Variants in PIEZO2 observed in about 807,000 individuals in gnomAD.
The protein encoded by PIEZO2 is piezo type mechanosensitive ion channel component 2.
In PIEZO2, 172 loss-of-function variants were observed where a neutral mutation model predicts 337.3. The observed-to-expected ratio is 0.51, with a 90% CI of 0.45 to 0.58. The LOEUF is 0.58. PIEZO2 is among the 20% of genes least tolerant of loss of function. The pLI is 0.00. For missense variants in PIEZO2, 3,028 were observed against 3,391.3 expected, an observed-to-expected ratio of 0.89 and a Z score of 2.66; for synonymous variants, 1,251 against 1,228.5, an observed-to-expected ratio of 1.02 and a Z score of -0.38.
At chr18:10,886,960 A>T (rs953005510) in intron 4 of PIEZO2, among the ~76,000 whole-genome samples, 4 of 151,994 alleles carry the variant, frequency 2.6e-5, no homozygotes, top group Non-Finnish European at 5.9e-5. Context: ...AGTCCTCAGA[A>T]AGTTTTCAAT....
Position 10,922,273 on chromosome 18 carries a change from C to T in PIEZO2, c.287-11045G>A, listed in dbSNP as rs1281397830. On this transcript the variant is annotated intron_variant, in intron 3 of 55. Coordinates refer to ENST00000674853, the MANE Select transcript of PIEZO2 (RefSeq NM_001378183.1). ...AAAATTTCTCTCTTTTGTACTCTGTCCCTTTATTTCTCAAACCAGCCAATG... is the reference window on the plus strand; with the variant it reads ...AAAATTTCTCTCTTTTGTACTCTGTTCCTTTATTTCTCAAACCAGCCAATG... 2.0e-5 allele frequency among the ~76,000 whole-genome samples: 3 copies of T among 152,096 alleles called. No homozygotes were observed. In the East Asian group the frequency reaches 5.8e-4, roughly 29 times the overall value.
intron 31 of PIEZO2, among the ~76,000 whole-genome samples, chr18:10,743,315 C>T (rs182104272): frequency 2.6e-5 from 4 of 152,136 alleles, no homozygotes; most frequent in Admixed American, 2.6e-4. Flanking sequence ...ACTTACAGAA[C>T]TTTCCCAGGG....
chr18:10,735,549 T>A (rs983216665), intron 34 of PIEZO2, among the ~76,000 whole-genome samples: 1 of 152,182 alleles, frequency 6.6e-6, no homozygotes, highest in Admixed American at 6.5e-5. Context: ...AAGATGTTCA[T>A]GTTCTCTCCT....
At chr18:11,098,769 T>C (rs1379129920) in intron 1 of PIEZO2, among the ~76,000 whole-genome samples, 2 of 151,906 alleles carry the variant, frequency 1.3e-5, no homozygotes, top group Non-Finnish European at 2.9e-5. Context: ...TTGCAGTCCC[T>C]TTTAAATTTA....
intron 7 of PIEZO2, among the ~76,000 whole-genome samples, chr18:10,809,448 G>C (rs755864818): frequency 1.3e-5 from 2 of 151,386 alleles, no homozygotes; most frequent in Admixed American, 6.6e-5. Context: ...TTTTGTATTT[G>C]TAGTAGGGAC....
chr18:10,947,089 A>G (rs74455793), intron 3 of PIEZO2, among the ~76,000 whole-genome samples: 47 of 152,332 alleles, frequency 3.1e-4, no homozygotes, highest in Non-Finnish European at 5.0e-4. Context: ...AACACATTAG[A>G]AAGTTATAAT....
At chr18:10,996,152 A>T (rs1301340679) in intron 2 of PIEZO2, among the ~76,000 whole-genome samples, 1 of 152,224 alleles carries the variant, frequency 6.6e-6, no homozygotes, top group Non-Finnish European at 1.5e-5. Context: ...ATGGAAGCAT[A>T]AGAAAAGGAG....
At position 11,069,513 on chromosome 18, in the gene PIEZO2, G is replaced by A. The variant is rs1052768548; in HGVS notation, c.65-3291C>T. ...AAAAATTCTCAACAAATTACATATA[G>A]AAGAAATGGACTTCAACACAATAAA... On this transcript the variant is annotated intron_variant, in intron 1 of 55. Transcript: ENST00000674853. This position sits in a 1 kb window ranked among gnomAD's most constrained non-coding sequence, Gnocchi z 4.9. 7.2e-5 allele frequency among the ~76,000 whole-genome samples: 11 copies of A among 152,086 alleles called. No individual in the cohort carries two copies. Among genetic ancestry groups the A allele is most frequent in the African/African-American group, 2.7e-4 (11 of 41,392 alleles).
intron 21 of PIEZO2, among the ~76,000 whole-genome samples, chr18:10,765,363 G>T (rs1180296049): frequency 6.6e-6 from 1 of 152,206 alleles, no homozygotes; most frequent in African/African-American, 2.4e-5. Context: ...CAGCGTCTTA[G>T]AGTGTCCAGG....
At chr18:10,884,982 C>T (rs764512142) in intron 4 of PIEZO2, among the ~76,000 whole-genome samples, 1 of 152,062 alleles carries the variant, frequency 6.6e-6, no homozygotes, top group African/African-American at 2.4e-5. Flanking sequence ...ATATCATAGA[C>T]ATTTTGCCAA....
Position 10,784,729 on chromosome 18 carries a change from GT to G in PIEZO2, c.2492+54del. ...CGCAAGGTGGCCAACCTAAGGTAGG[GT>G]TGAAGAGCTGCCTTCCTGCTAATAA... is the stretch of plus-strand genomic sequence containing the variant. On this transcript the variant is annotated intron_variant, in intron 17 of 55. Transcript: ENST00000674853. The surrounding 1 kb of genome is among the most constrained non-coding windows in gnomAD (Gnocchi z 4.5). The G allele has an allele frequency of 1.5e-6, 2 of 1,341,276 alleles. No homozygotes were observed. 83.1% of individuals were successfully genotyped at this position (1,341,276 alleles called of 1,614,324 possible).
At chr18:10,998,861 C>CAAAAAAAA (rs10544415) in intron 2 of PIEZO2, among the ~76,000 whole-genome samples, 4 of 118,818 alleles carry the variant, frequency 3.4e-5, no homozygotes, top group Non-Finnish European at 5.4e-5. Flanking sequence ...TCAAATACAG[C>CAAAAAAAA]AAAAAAAAAA....
Position 10,912,042 on chromosome 18 carries a change from C to T in PIEZO2, c.287-814G>A, listed in dbSNP as rs548037771. 2.6e-3 allele frequency among the ~76,000 whole-genome samples: 391 copies of T among 152,066 alleles called. 2 individuals carry two copies. The highest frequency in any genetic ancestry group is 8.0e-3 in the African/African-American group (333 of 41,478). On this transcript the variant is annotated intron_variant, in intron 3 of 55. Transcript: ENST00000674853. ...GCCTTTATCTTACCAGTGTTGACCA[C>T]AGAATTCACATATTCTTTTTTTTTT...
Position 10,791,221 on chromosome 18 carries a change from C to T in PIEZO2, c.1862G>A (p.Ser621Asn), listed in dbSNP as rs2039400970. The T allele has an allele frequency of 1.3e-6, 2 of 1,535,914 alleles. No homozygotes were observed. Among genetic ancestry groups the T allele is most frequent in the South Asian group, 2.4e-5 (2 of 83,892 alleles). Residue 621 changes from serine (S) to asparagine (N), a missense_variant, in exon 14 of 56, where the codon AGT becomes AAT. Coordinates refer to ENST00000674853, the MANE Select transcript of PIEZO2 (RefSeq NM_001378183.1). Reference sequence around the variant, plus strand: ...TTTACCTTTTTCTTCATTTTCCTGACTGCCAATTTTGACTTCCGATAAAAG... The same window carrying T: ...TTTACCTTTTTCTTCATTTTCCTGATTGCCAATTTTGACTTCCGATAAAAG... The part of the protein sequence containing the change: ...EALLSEVKIG[S>N]QENEEKDEEL...
intron 36 of PIEZO2, among the ~76,000 whole-genome samples, chr18:10,729,622 T>C (rs1422894661): frequency 4.5e-5 from 1 of 22,042 alleles, no homozygotes; most frequent in Non-Finnish European, 8.6e-5. Flanking sequence ...AGACTCTGTC[T>C]CAAAAAAAAA....
chr18:10,753,055 C>G (rs1254353122), intron 27 of PIEZO2, among the ~76,000 whole-genome samples, 176 bp from the exon 28 acceptor site: 4 of 152,060 alleles, frequency 2.6e-5, no homozygotes, highest in Non-Finnish European at 4.4e-5. Context: ...AGTAATAGAC[C>G]AATAGATGAG....
rs1265010911 is a variant in PIEZO2, at chr18:10,982,246, A to G, written c.161-2586T>C. ...GGTTCTCTAGAGGGACAGGACTAAT[A>G]AGATAGATGCATATATCAAAGGGAG... On this transcript the variant is annotated intron_variant, in intron 2 of 55. Transcript: ENST00000674853. This position sits in a 1 kb window ranked among gnomAD's most constrained non-coding sequence, Gnocchi z 4.1. Among the ~76,000 whole-genome samples the G allele has an allele frequency of 1.3e-5, 2 of 152,216 alleles. No individual in the cohort carries two copies. Among genetic ancestry groups the G allele is most frequent in the African/African-American group, 4.8e-5 (2 of 41,454 alleles).
At chr18:10,825,484 T>G (rs1178668772) in intron 7 of PIEZO2, among the ~76,000 whole-genome samples, 1 of 151,694 alleles carries the variant, frequency 6.6e-6, no homozygotes, top group Admixed American at 6.6e-5. Context: ...ATCACTTGGC[T>G]GAGTGTTTGT....
At position 10,701,864 on chromosome 18, in the gene PIEZO2, G is replaced by C. The variant is rs62095567; in HGVS notation, c.6441+125C>G. The C allele has an allele frequency of 0.23, 153,028 of 668,180 alleles. 20,199 individuals carry two copies. Among genetic ancestry groups the C allele is most frequent in the South Asian group, 0.31 (10,250 of 33,058 alleles). The allele number at this position is 668,180 out of a possible 1,614,324, so 41.4% of individuals were successfully genotyped here. A position where few individuals can be genotyped will look rare whatever the true frequency, so the allele number is the denominator to read the frequency against. On this transcript the variant is annotated intron_variant, in intron 43 of 55. Coordinates refer to ENST00000674853, the MANE Select transcript of PIEZO2 (RefSeq NM_001378183.1). ...TTTTTTTAAAAAAAACATATGAGTA[G>C]ATACCACTCACTGGCCCCTCAGCCC...
Sources: gnomAD v4.1 joint callset for allele counts (sites outside exome capture counted in the v4.1 genomes callset) on GRCh38, gnomAD v4.1.1 for gene constraint, Gnocchi (gnomAD v3.1) non-coding constraint, MANE v1.5 for transcripts, NCBI Gene and HGNC (gene_info 2026-07-23, HGNC 2026-07-21) for gene names.